The following LRRFIP2 variants were observed in gnomAD, a reference collection of about 807,000 sequenced individuals.
LRRFIP2 encodes leucine-rich repeat flightless-interacting protein 2.
In LRRFIP2, 109 loss-of-function variants were observed where a neutral mutation model predicts 125.9. That is an observed-to-expected ratio of 0.87 (90% CI 0.74 to 1.01). The LOEUF is 1.01. Ranked by LOEUF, LRRFIP2 falls within the 50% of genes least tolerant of loss-of-function variation. The pLI is 0.00. For synonymous variants in LRRFIP2, 291 were observed against 293.1 expected (o/e 0.99, Z 0.07); for missense variants, 850 against 862.3 (o/e 0.99, Z 0.18).
At chr3:37,134,371 G>A (rs1560003412) in intron 2 of LRRFIP2, among the ~76,000 whole-genome samples, 1 of 152,200 alleles carries the variant, frequency 6.6e-6, no homozygotes. Context: ...GCCTGCTCCA[G>A]TTCGAGCCGG....
chr3:37,167,196 CCAAA>C (rs1265370413), intron 1 of LRRFIP2, among the ~76,000 whole-genome samples: 5 of 55,820 alleles, frequency 9.0e-5, no homozygotes, highest in Admixed American at 2.1e-4. Context: ...AATCTTGTCT[CCAAA>C]AAAAAAAAAA....
At chr3:37,139,636 C>T (rs1242624588) in intron 2 of LRRFIP2, among the ~76,000 whole-genome samples, 1 of 152,120 alleles carries the variant, frequency 6.6e-6, no homozygotes, top group Non-Finnish European at 1.5e-5. Context: ...CAAACCCTCC[C>T]AAGCCCCGTC....
At chr3:37,148,806 A>G in intron 2 of LRRFIP2, 88 bp downstream of exon 2, 1 of 1,416,982 alleles carries the variant, frequency 7.1e-7, no homozygotes, top group South Asian at 1.3e-5. Context: ...AACTAGTTCA[A>G]TGAGTAAACG....
chr3:37,117,929 T>C (rs1310165734), intron 6 of LRRFIP2, among the ~76,000 whole-genome samples: 1 of 152,170 alleles, frequency 6.6e-6, no homozygotes, highest in Non-Finnish European at 1.5e-5. Context: ...AACAGTGTAA[T>C]AGTAAATAAT....
At chr3:37,095,417 C>A (rs2093668272) in intron 16 of LRRFIP2, among the ~76,000 whole-genome samples, 1 of 152,108 alleles carries the variant, frequency 6.6e-6, no homozygotes, top group African/African-American at 2.4e-5. Flanking sequence ...GTAGACTGTT[C>A]TTCCCAAAAT....
intron 4 of LRRFIP2, 77 bp from the exon 5 acceptor site, chr3:37,121,768 G>T (rs2095054602): frequency 7.1e-7 from 1 of 1,408,424 alleles, no homozygotes; most frequent in Non-Finnish European, 1.0e-6. Context: ...GCAAAGAGCA[G>T]TCAGTTAACA....
intron 14 of LRRFIP2, among the ~76,000 whole-genome samples, chr3:37,104,421 G>A (rs1186803239): frequency 6.6e-6 from 1 of 152,146 alleles, no homozygotes; most frequent in Non-Finnish European, 1.5e-5. Flanking sequence ...TTGTGAGCGT[G>A]AGCATTAGTT....
chr3:37,085,873 C>T (rs528503856), intron 18 of LRRFIP2, among the ~76,000 whole-genome samples: 2 of 152,020 alleles, frequency 1.3e-5, no homozygotes, highest in African/African-American at 2.4e-5. Flanking sequence ...TGAGCCACTG[C>T]GCCTGGCCCA....
At chr3:37,150,307 A>T (rs2095986713) in intron 1 of LRRFIP2, among the ~76,000 whole-genome samples, 1 of 152,072 alleles carries the variant, frequency 6.6e-6, no homozygotes, top group South Asian at 2.1e-4. Context: ...TACTAAAAAT[A>T]CAAAATTAGC....
chr3:37,103,646 AG>A (rs1327605670), intron 14 of LRRFIP2, among the ~76,000 whole-genome samples: 4 of 152,126 alleles, frequency 2.6e-5, no homozygotes, highest in Non-Finnish European at 4.4e-5. Flanking sequence ...CTCACATTTC[AG>A]GTCTCAGCTC....
At chr3:37,166,857 G>A (rs1328062617) in intron 1 of LRRFIP2, among the ~76,000 whole-genome samples, 1 of 151,720 alleles carries the variant, frequency 6.6e-6, no homozygotes, top group African/African-American at 2.4e-5. Flanking sequence ...CATCTCTACT[G>A]TAAATACAAA....
intron 6 of LRRFIP2, among the ~76,000 whole-genome samples, chr3:37,121,057 C>G (rs1266895120): frequency 6.6e-6 from 1 of 152,130 alleles, no homozygotes; most frequent in African/African-American, 2.4e-5. Context: ...GAGAACTTTT[C>G]AAATCAGTTG....
Position 37,075,166 on chromosome 3 carries a change from A to AT in LRRFIP2, c.1279-51dup, listed in dbSNP as rs1313509636. The AT allele has an allele frequency of 2.3e-6, 3 of 1,286,346 alleles. No individual in the cohort carries two copies. In the South Asian group the frequency reaches 3.6e-5, roughly 15 times the overall value. 79.7% of individuals were successfully genotyped at this position (1,286,346 alleles called of 1,614,324 possible). ...TTACACAGGTCATGGCACACAAGAA[A>AT]TTTGAACATACACAATACAACACAG... On this transcript the variant is annotated intron_variant, in intron 19 of 27. Transcript: ENST00000336686.
At chr3:37,134,785 G>A in intron 2 of LRRFIP2, 1 of 803,220 alleles carries the variant, frequency 1.2e-6, no homozygotes, top group Non-Finnish European at 2.2e-6. Flanking sequence ...CCTAATGACA[G>A]CCCATATCAA....
intron 1 of LRRFIP2, among the ~76,000 whole-genome samples, chr3:37,159,535 G>C (rs994711482): frequency 1.3e-5 from 2 of 151,846 alleles, no homozygotes; most frequent in African/African-American, 2.4e-5. Context: ...TTTTGACAGA[G>C]TCTCGCTGCT....
At chr3:37,091,604 T>C in intron 17 of LRRFIP2, 66 bp from the exon 18 acceptor site, 1 of 1,155,840 alleles carries the variant, frequency 8.7e-7, no homozygotes, top group South Asian at 1.4e-5. Context: ...TCGCAAAGGA[T>C]TCAGATGAAA....
rs755770305 is a variant in LRRFIP2 at position 37,127,700 on chromosome 3, A to G, written c.178-20T>C. 1.3e-6 allele frequency: 2 copies of G among 1,597,692 alleles called. No individual in the cohort carries two copies. The highest frequency in any genetic ancestry group is 1.7e-5 in the Admixed American group (1 of 59,962). ...AGAGTACTAGAAATGCAAAAATTTC[A>G]TAAACCAAATAGTTTCTAACATATT... On this transcript the variant is annotated intron_variant, in intron 3 of 27. Coordinates refer to ENST00000336686, the MANE Select transcript of LRRFIP2 (RefSeq NM_006309.4).
At chr3:37,171,854 A>T (rs1204304332) in intron 1 of LRRFIP2, among the ~76,000 whole-genome samples, 1 of 152,250 alleles carries the variant, frequency 6.6e-6, no homozygotes, top group African/African-American at 2.4e-5. Context: ...CAACCTACTT[A>T]AGATGTAGCC....
At chr3:37,134,289 C>T (rs894678212) in intron 2 of LRRFIP2, among the ~76,000 whole-genome samples, 11 of 151,986 alleles carry the variant, frequency 7.2e-5, no homozygotes, top group African/African-American at 2.7e-4. Flanking sequence ...GTAGAATATT[C>T]ACTGTATCAC....
Sources: allele counts gnomAD v4.1 joint callset (sites outside exome capture counted in the v4.1 genomes callset), GRCh38; gene constraint gnomAD v4.1.1; transcripts MANE v1.5; gene names NCBI Gene and HGNC (gene_info 2026-07-23, HGNC 2026-07-21).